The following C3orf20 variants were observed in gnomAD, a reference collection of about 807,000 sequenced individuals.
C3orf20 encodes the protein uncharacterized protein C3orf20.
C3orf20 carries 76 observed loss-of-function variants against 88.3 expected under a neutral mutation model. That is an observed-to-expected ratio of 0.86 (90% CI 0.72 to 1.04). The LOEUF (loss-of-function observed/expected upper bound fraction) is 1.04, where lower values mean the gene tolerates loss of function less well. C3orf20 is among the 50% of genes least tolerant of loss of function. C3orf20 has a pLI of 0.00. For missense variants in C3orf20, 1,056 were observed against 1,123.3 expected (o/e 0.94, Z 0.86); for synonymous variants, 436 against 437.4 (o/e 1.00, Z 0.04).
At chr3:14,700,061 A>G (rs747306484) in intron 5 of C3orf20, among the ~76,000 whole-genome samples, 1 of 152,180 alleles carries the variant, frequency 6.6e-6, no homozygotes, top group Non-Finnish European at 1.5e-5. Flanking sequence ...AAAGTCTGAC[A>G]ATCACTGTAC....
intron 12 of C3orf20, among the ~76,000 whole-genome samples, chr3:14,755,527 G>A (rs894780138): frequency 4.6e-5 from 7 of 152,176 alleles, no homozygotes; most frequent in African/African-American, 1.7e-4. Flanking sequence ...CAGATATGCA[G>A]GTTCTTGAGT....
intron 12 of C3orf20, among the ~76,000 whole-genome samples, chr3:14,746,767 C>G (rs1221107492): frequency 3.3e-5 from 5 of 152,214 alleles, no homozygotes; most frequent in Non-Finnish European, 7.3e-5. Context: ...TCATTGAGTT[C>G]TGTCTTCTTA....
intron 7 of C3orf20, among the ~76,000 whole-genome samples, chr3:14,711,304 A>G (rs1423417287): frequency 6.6e-6 from 1 of 152,026 alleles, no homozygotes; most frequent in Non-Finnish European, 1.5e-5. Context: ...TCTTCCTTTA[A>G]TTCTGTCAGT....
At chr3:14,711,603 G>GT (rs1052488264) in intron 7 of C3orf20, among the ~76,000 whole-genome samples, 1 of 116,292 alleles carries the variant, frequency 8.6e-6, no homozygotes, top group African/African-American at 3.1e-5. Flanking sequence ...AATTGTTTTG[G>GT]TTTTTAAAAA....
chr3:14,766,336 C>G (rs1375150418), intron 15 of C3orf20, among the ~76,000 whole-genome samples: 1 of 152,226 alleles, frequency 6.6e-6, no homozygotes, highest in African/African-American at 2.4e-5. Flanking sequence ...AGAGCTCATC[C>G]TCACTCCCGA....
At chr3:14,702,378 G>C (rs1482669244) in intron 5 of C3orf20, among the ~76,000 whole-genome samples, 2 of 151,680 alleles carry the variant, frequency 1.3e-5, no homozygotes, top group Non-Finnish European at 2.9e-5. Flanking sequence ...GATTTGGGTA[G>C]GGACACAGCC....
At chr3:14,759,863 A>ACCAGTT in intron 13 of C3orf20, 28 bp from the exon 14 acceptor site, 1 of 1,573,330 alleles carries the variant, frequency 6.4e-7, no homozygotes, top group Non-Finnish European at 8.7e-7. Flanking sequence ...CATGGGGGTG[A>ACCAGTT]CCAGTTCTCA....
chr3:14,751,308 T>C (rs1167517163), intron 12 of C3orf20, among the ~76,000 whole-genome samples: 1 of 152,158 alleles, frequency 6.6e-6, no homozygotes, highest in East Asian at 1.9e-4. Context: ...GAGATTGACA[T>C]AGAAGATGGG....
intron 15 of C3orf20, among the ~76,000 whole-genome samples, chr3:14,770,162 A>G (rs2035822526): frequency 6.6e-6 from 1 of 152,102 alleles, no homozygotes. Context: ...AGGCCCAGAC[A>G]CTTCCACAGT....
At chr3:14,767,619 C>T (rs1046947926) in intron 15 of C3orf20, among the ~76,000 whole-genome samples, 1 of 152,246 alleles carries the variant, frequency 6.6e-6, no homozygotes, top group African/African-American at 2.4e-5. Context: ...CTGCAAAGCC[C>T]TGTGTAAACT....
At chr3:14,751,345 C>A (rs567009348) in intron 12 of C3orf20, among the ~76,000 whole-genome samples, 1 of 152,268 alleles carries the variant, frequency 6.6e-6, no homozygotes, top group African/African-American at 2.4e-5. Flanking sequence ...AACTAAGGTA[C>A]CTGGTACTCC....
Position 14,714,007 on chromosome 3 carries a change from C to T in C3orf20, c.1161C>T (p.Tyr387=), listed in dbSNP as rs764484975. The T allele has an allele frequency of 6.2e-7, 1 of 1,613,954 alleles. No individual in the cohort carries two copies. The highest frequency in any genetic ancestry group is 1.3e-5 in the African/African-American group (1 of 74,926). Reference sequence around the variant, plus strand: ...AGTTCTACCTGAACATTTCTGCCAGCTATCCCTCTGGAAACGTCGCTGTAT... The same window carrying T: ...AGTTCTACCTGAACATTTCTGCCAGTTATCCCTCTGGAAACGTCGCTGTAT... ...YTFYDGSSFV[Y]YPSGNVAVCQ... is the part of the protein sequence containing the mutation. The change falls in exon 8 of 17, where the codon TAC becomes TAT. Residue 387 remains tyrosine, a splice_region_variant and synonymous_variant. Coordinates refer to ENST00000253697, the MANE Select transcript of C3orf20 (RefSeq NM_032137.5).
chr3:14,676,323 T>G (rs917894813), intron 1 of C3orf20, among the ~76,000 whole-genome samples: 5 of 152,066 alleles, frequency 3.3e-5, no homozygotes, highest in Non-Finnish European at 7.4e-5. Context: ...AACCCAGGTT[T>G]TATTGCTTTT....
rs201889682 is a variant in C3orf20 at position 14,726,926 on chromosome 3, A to G, written c.1592A>G (p.Asp531Gly). 2.1e-5 allele frequency: 34 copies of G among 1,614,098 alleles called. No homozygotes were observed. The Middle Eastern group carries it at 9.9e-4, about 47-fold the overall frequency. Residue 531 changes from aspartate to glycine, a missense_variant, in exon 11 of 17, where the codon GAC becomes GGC. Coordinates refer to ENST00000253697, the MANE Select transcript of C3orf20 (RefSeq NM_032137.5). ...CTGAACCGCAGAATCAGCAACATGG[A>G]CGACAAGGTGTATAAGATGAGCCGA... ...KRLNRRISNM[D>G]DKVYKMSRAL...
chr3:14,682,873 C>G lies in C3orf20; in HGVS notation c.160C>G (p.Leu54Val). ...RNIFEFTWEE[L>V]ISDPSVPTPS... is the part of the protein sequence containing the mutation. ...CATCTTTGAGTTCACTTGGGAAGAG[C>G]TCATCAGTGACCCTTCAGTGCCTAC... Residue 54 changes from leucine to valine, a missense_variant, in exon 3 of 17, where the codon CTC (leucine) becomes GTC (valine). Physicochemically the swap from Leu to Val is conservative, Grantham distance 32. Coordinates refer to ENST00000253697, the MANE Select transcript of C3orf20 (RefSeq NM_032137.5). 1 of 1,614,240 alleles carries G rather than the reference C, an allele frequency of 6.2e-7. No individual in the cohort carries two copies. The highest frequency in any genetic ancestry group is 1.1e-5 in the South Asian group (1 of 91,084).
chr3:14,741,232 A>C (rs573541745), intron 12 of C3orf20, among the ~76,000 whole-genome samples: 71 of 152,122 alleles, frequency 4.7e-4, no homozygotes, highest in Non-Finnish European at 7.1e-4. Flanking sequence ...AGATAGATAT[A>C]GCTCTTCGGG....
chr3:14,688,580 A>T (rs895368826), intron 4 of C3orf20, among the ~76,000 whole-genome samples: 2 of 151,674 alleles, frequency 1.3e-5, no homozygotes, highest in East Asian at 3.9e-4. Flanking sequence ...AAAAAGCTGT[A>T]TCCAGAATAT....
chr3:14,758,238 G>A (rs2035444218), intron 13 of C3orf20, among the ~76,000 whole-genome samples: 1 of 152,200 alleles, frequency 6.6e-6, no homozygotes, highest in Non-Finnish European at 1.5e-5. Flanking sequence ...CCATCTGGGG[G>A]TCCGGAGGGC....
chr3:14,696,339 T>A (rs946822150), intron 5 of C3orf20, among the ~76,000 whole-genome samples: 1 of 149,774 alleles, frequency 6.7e-6, no homozygotes, highest in African/African-American at 2.4e-5. Flanking sequence ...TTATATCTTA[T>A]TGTACGATAT....
Sources: gnomAD v4.1 joint callset for allele counts (sites outside exome capture counted in the v4.1 genomes callset) on GRCh38, gnomAD v4.1.1 for gene constraint, MANE v1.5 for transcripts, NCBI Gene and HGNC (gene_info 2026-07-23, HGNC 2026-07-21) for gene names.